Variants in ATG4A observed in about 807,000 individuals in gnomAD.
ATG4A encodes cysteine protease ATG4A.
Under a neutral mutation model 38.4 loss-of-function variants are expected in ATG4A, and 22 were observed. That is an observed-to-expected ratio of 0.57 (90% CI 0.41 to 0.82). The LOEUF (loss-of-function observed/expected upper bound fraction) is 0.82, where lower values mean the gene tolerates loss of function less well. Ranked by LOEUF, ATG4A falls within the 40% of genes least tolerant of loss-of-function variation. The pLI, the probability that ATG4A is intolerant of heterozygous loss-of-function variation, is 0.00. For missense variants in ATG4A, 220 were observed against 290.0 expected, an observed-to-expected ratio of 0.76 and a Z score of 1.75; for synonymous variants, 86 against 100.7, an observed-to-expected ratio of 0.85 and a Z score of 0.88.
chrX:108,145,643 G>T (rs1273029526), intron 9 of ATG4A, among the ~76,000 whole-genome samples: 1 of 112,370 alleles, frequency 8.9e-6, no homozygotes, highest in African/African-American at 3.2e-5. Context: ...GTCCTTGATG[G>T]TGGCACTAAT....
chrX:108,106,152 T>A (rs2032165547), intron 1 of ATG4A, among the ~76,000 whole-genome samples: 1 of 111,310 alleles, frequency 9.0e-6, no homozygotes, highest in Non-Finnish European at 1.9e-5. Flanking sequence ...TTTTTTTTTT[T>A]ACTTCCCTTG....
chrX:108,129,164 A>G (rs1462836650), intron 3 of ATG4A, among the ~76,000 whole-genome samples: 2 of 112,728 alleles, frequency 1.8e-5, no homozygotes, highest in Admixed American at 9.4e-5. Flanking sequence ...TAATTTGTAT[A>G]ATATCTGTTA....
chrX:108,136,381 G>T (rs772346713), intron 6 of ATG4A, among the ~76,000 whole-genome samples: 21 of 110,930 alleles, frequency 1.9e-4, no homozygotes, highest in Non-Finnish European at 3.4e-4. Flanking sequence ...AAATAGGCAG[G>T]GTACTTTACA....
At chrX:108,129,569 C>CTTTTTTT (rs764613277) in intron 3 of ATG4A, among the ~76,000 whole-genome samples, 1 of 96,190 alleles carries the variant, frequency 1.0e-5, no homozygotes, top group African/African-American at 3.7e-5. Context: ...TCTTTTCTTT[C>CTTTTTTT]TTTTTTTTTT....
At chrX:108,108,885 A>G (rs1272075145) in intron 1 of ATG4A, among the ~76,000 whole-genome samples, 1 of 111,937 alleles carries the variant, frequency 8.9e-6, no homozygotes, top group Non-Finnish European at 1.9e-5. Context: ...TGACTGAGAT[A>G]TACATTTTTT....
intron 1 of ATG4A, among the ~76,000 whole-genome samples, chrX:108,108,239 C>T (rs1342760916): frequency 3.1e-5 from 3 of 96,117 alleles, no homozygotes; most frequent in African/African-American, 1.2e-4. Context: ...ATACATTACT[C>T]AAAAACAAAT....
At chrX:108,134,022 A>G (rs1041310812) in intron 4 of ATG4A, 35 bp from the exon 5 acceptor site, 1 of 1,084,577 alleles carries the variant, frequency 9.2e-7, no homozygotes, top group Non-Finnish European at 1.2e-6. Flanking sequence ...AACAGTTATA[A>G]AAATGTTTCT....
chrX:108,150,850 A>C (rs996187993), intron 10 of ATG4A, among the ~76,000 whole-genome samples: 1 of 112,397 alleles, frequency 8.9e-6, no homozygotes. Flanking sequence ...ACCAAACCGT[A>C]TCACTAACTA....
intron 4 of ATG4A, among the ~76,000 whole-genome samples, chrX:108,132,146 G>A (rs1296924566): frequency 9.0e-6 from 1 of 111,671 alleles, no homozygotes; most frequent in African/African-American, 3.3e-5. Context: ...GGATCCACCC[G>A]CCTCGGCCTC....
At chrX:108,135,029 A>G (rs2033061425) in intron 6 of ATG4A, among the ~76,000 whole-genome samples, 1 of 111,512 alleles carries the variant, frequency 9.0e-6, no homozygotes, top group Non-Finnish European at 1.9e-5. Flanking sequence ...AAATTCCAGA[A>G]TTCACCTCCC....
rs1290253649 is a variant in ATG4A at position 108,151,854 on chromosome X, A to G, written c.1013A>G (p.Gln338Arg). The change falls in exon 11 of 13, where the codon CAG (glutamine) becomes CGG (arginine). Residue 338 changes from glutamine (Q) to arginine (R), a missense_variant. This residue lies in a region of ATG4A where 159 missense variants were observed against 188.9 expected (regional missense o/e 0.84). Transcript: ENST00000372232. ...TTTGATAACTGGTGTAGCCTTGTTCAGAAGGTAAAGCTATATGTTTTTCTT... is the reference window on the plus strand; with the variant it reads ...TTTGATAACTGGTGTAGCCTTGTTCGGAAGGTAAAGCTATATGTTTTTCTT... ...KDFDNWCSLV[Q>R]KEILKENLRM... 1 of 1,198,672 alleles carries G rather than the reference A, an allele frequency of 8.3e-7. No homozygotes were observed. The highest frequency in any genetic ancestry group is 1.1e-6 in the Non-Finnish European group (1 of 886,646).
chrX:108,132,881 T>G (rs906958857), intron 4 of ATG4A, among the ~76,000 whole-genome samples: 1 of 111,002 alleles, frequency 9.0e-6, no homozygotes, highest in Non-Finnish European at 1.9e-5. Flanking sequence ...TGGAAATAGA[T>G]CTTGTAGCTA....
intron 2 of ATG4A, among the ~76,000 whole-genome samples, 184 bp downstream of exon 2, chrX:108,126,371 C>T (rs2032799076): frequency 8.9e-6 from 1 of 112,014 alleles, no homozygotes; most frequent in South Asian, 3.7e-4. Context: ...GGACAGGCCC[C>T]TTCCAAGGCC....
intron 1 of ATG4A, among the ~76,000 whole-genome samples, chrX:108,097,507 T>C (rs1396689812): frequency 1.8e-5 from 2 of 111,935 alleles, no homozygotes; most frequent in Non-Finnish European, 3.8e-5. Flanking sequence ...AGACTTGCAA[T>C]GTGTCTAGGA....
chrX:108,131,665 T>G (rs2032958017), intron 4 of ATG4A, among the ~76,000 whole-genome samples: 1 of 111,874 alleles, frequency 8.9e-6, no homozygotes, highest in African/African-American at 3.3e-5. Context: ...TCCTTAGAAA[T>G]GCAAGATAAC....
upstream of ATG4A, chrX:108,091,512 C>G (rs749763253): frequency 2.5e-6 from 3 of 1,209,680 alleles, no homozygotes; most frequent in African/African-American, 5.2e-5. Flanking sequence ...TAGACACACA[C>G]CCCTCCATTT....
At chrX:108,126,014 C>G in intron 1 of ATG4A, 63 bp from the exon 2 acceptor site, 1 of 730,579 alleles carries the variant, frequency 1.4e-6, no homozygotes, top group Non-Finnish European at 2.1e-6. Flanking sequence ...AGGTAATAAT[C>G]AGTCAACCAC....
chrX:108,137,068 C>T, intron 6 of ATG4A, 23 bp from the exon 7 acceptor site: 1 of 1,178,433 alleles, frequency 8.5e-7, no homozygotes, highest in South Asian at 1.8e-5. Flanking sequence ...CAAATTGTGA[C>T]TTCATTATAC....
Position 108,131,162 on chromosome X carries a change from A to G in ATG4A, c.194-98A>G, listed in dbSNP as rs113236106. The stretch of plus-strand genomic sequence containing the variant: ...TCTGTCACCTCACTTTTCAGAGTAT[A>G]TATATTTACCTGTCTTGTGTGAGTC... On this transcript the variant is annotated intron_variant, in intron 3 of 12. Coordinates refer to ENST00000372232, the MANE Select transcript of ATG4A (RefSeq NM_052936.5). 4.8e-4 allele frequency: 348 copies of G among 729,172 alleles called. 1 individual carries two copies. In the African/African-American group the frequency reaches 6.5e-3, roughly 14 times the overall value. The allele number at this position is 729,172 out of a possible 1,213,427, so 60.1% of individuals were successfully genotyped here.
Sources: allele counts gnomAD v4.1 joint callset (sites outside exome capture counted in the v4.1 genomes callset), GRCh38; gene constraint gnomAD v4.1.1; regional missense constraint gnomAD v4.1.1; transcripts MANE v1.5; gene names NCBI Gene and HGNC (gene_info 2026-07-23, HGNC 2026-07-21).